The following ARAP2 variants were observed in gnomAD, a reference collection of about 807,000 sequenced individuals.
The protein encoded by ARAP2 is arf-GAP with Rho-GAP domain, ANK repeat and PH domain-containing protein 2.
ARAP2 carries 148 observed loss-of-function variants against 194.5 expected under a neutral mutation model. That is an observed-to-expected ratio of 0.76 (90% CI 0.67 to 0.87). The LOEUF (loss-of-function observed/expected upper bound fraction) is 0.87, where lower values mean the gene tolerates loss of function less well. Among genes scored for constraint, ARAP2 ranks in the 40% least tolerant of loss-of-function variants. ARAP2 has a pLI of 0.00. For missense variants in ARAP2, 2,128 were observed against 1,989.7 expected, an observed-to-expected ratio of 1.07 and a Z score of -1.32; for synonymous variants, 695 against 683.5, an observed-to-expected ratio of 1.02 and a Z score of -0.26.
chr4:36,035,917 G>C (rs1250262079), intron 5 of ARAP2, among the ~76,000 whole-genome samples: 1 of 152,072 alleles, frequency 6.6e-6, no homozygotes, highest in Non-Finnish European at 1.5e-5. Context: ...CTGTTATACA[G>C]TATTAACTTT....
At chr4:36,055,783 T>C (rs1335280011) in intron 2 of ARAP2, among the ~76,000 whole-genome samples, 2 of 152,104 alleles carry the variant, frequency 1.3e-5, no homozygotes, top group Admixed American at 1.3e-4. Context: ...AGGATGGTCT[T>C]GAACTCCTGA....
rs534826125 is a variant in ARAP2 at position 36,173,312 on chromosome 4, A to G, written c.1857+4515T>C. On this transcript the variant is annotated intron_variant, in intron 9 of 32. Coordinates refer to ENST00000303965, the MANE Select transcript of ARAP2 (RefSeq NM_015230.4). The stretch of plus-strand genomic sequence containing the variant: ...AGCAATACCACTTATTTAAGAATTC[A>G]TATATTTAAATATATGTCCATATTT... Among the ~76,000 whole-genome samples, 20 of 152,332 alleles carry G rather than the reference A, an allele frequency of 1.3e-4. 1 individual carries two copies. The highest frequency in any genetic ancestry group is 4.8e-4 in the African/African-American group (20 of 41,572).
chr4:36,234,098 T>C (rs1018847085), intron 1 of ARAP2, among the ~76,000 whole-genome samples: 3 of 152,284 alleles, frequency 2.0e-5, no homozygotes, highest in African/African-American at 7.2e-5. Flanking sequence ...CACTAGAGAA[T>C]TGCGGTTTCT....
chr4:36,058,575 G>A (rs1256728718), intron 1 of ARAP2, among the ~76,000 whole-genome samples: 2 of 152,072 alleles, frequency 1.3e-5, no homozygotes, highest in Non-Finnish European at 2.9e-5. Context: ...AGCAACAGCC[G>A]AGTTTGTTTT....
intron 27 of ARAP2, among the ~76,000 whole-genome samples, chr4:36,100,635 T>C (rs999540363): frequency 6.6e-5 from 10 of 152,054 alleles, no homozygotes; most frequent in Non-Finnish European, 1.0e-4. Context: ...TGAGGGAGAA[T>C]TACTCATATA....
At chr4:36,097,624 C>T (rs1291347020) in intron 27 of ARAP2, among the ~76,000 whole-genome samples, 1 of 152,048 alleles carries the variant, frequency 6.6e-6, no homozygotes, top group Non-Finnish European at 1.5e-5. Context: ...TAGGGAAAAC[C>T]ATCTATTGTT....
At chr4:36,147,172 A>T in intron 19 of ARAP2, 124 bp downstream of exon 19, 1 of 757,472 alleles carries the variant, frequency 1.3e-6, no homozygotes. Flanking sequence ...ATGTATATTT[A>T]TATGATTCAG....
At chr4:36,099,700 G>A (rs1451532656) in intron 27 of ARAP2, among the ~76,000 whole-genome samples, 3 of 152,068 alleles carry the variant, frequency 2.0e-5, no homozygotes, top group East Asian at 1.9e-4. Context: ...ACATTCTGGC[G>A]CTAGACTGCC....
rs1373809231 is a variant in ARAP2 at position 36,026,601 on chromosome 4, G to A, written n.608-7315C>T. Reference sequence around the variant, plus strand: ...CACTGGATATCACGGGACTGGAAGTGTTAAAGCTCTCAGCAGGAGATTAAC... The same window carrying A: ...CACTGGATATCACGGGACTGGAAGTATTAAAGCTCTCAGCAGGAGATTAAC... On this transcript the variant is annotated intron_variant and non_coding_transcript_variant, in intron 5 of 12. Transcript: ENST00000503225. Among the ~76,000 whole-genome samples the A allele has an allele frequency of 2.0e-5, 3 of 152,206 alleles. 1 individual carries two copies.
intron 9 of ARAP2, among the ~76,000 whole-genome samples, chr4:36,173,388 T>C (rs1737088676): frequency 6.6e-6 from 1 of 152,170 alleles, no homozygotes; most frequent in African/African-American, 2.4e-5. Context: ...ACTATACACC[T>C]ATCATTTAAA....
Position 36,176,505 on chromosome 4 carries a change from G to A in ARAP2, c.1857+1322C>T, listed in dbSNP as rs372159183. On this transcript the variant is annotated intron_variant, in intron 9 of 32. Coordinates refer to ENST00000303965, the MANE Select transcript of ARAP2 (RefSeq NM_015230.4). The stretch of plus-strand genomic sequence containing the variant: ...TTTGAACTCTATGCAAGTCTATCAG[G>A]TCTTGCTATCAGGTCTATGCAAGTA... Among the ~76,000 whole-genome samples the A allele has an allele frequency of 3.0e-3, 458 of 152,190 alleles. 2 individuals carry two copies. Among genetic ancestry groups the A allele is most frequent in the Middle Eastern group, 0.014 (4 of 290 alleles).
intron 23 of ARAP2, among the ~76,000 whole-genome samples, chr4:36,120,839 A>G (rs1418797133): frequency 6.6e-6 from 1 of 151,790 alleles, no homozygotes; most frequent in East Asian, 1.9e-4. Flanking sequence ...AGAGTCTGGT[A>G]TTTATTAATG....
chr4:36,133,081 T>A lies in ARAP2; in HGVS notation c.3427+145A>T, dbSNP rs994493977. 5.2e-5 allele frequency: 38 copies of A among 736,774 alleles called. No homozygotes were observed. The East Asian group carries it at 1.1e-3, about 21-fold the overall frequency. 45.6% of individuals were successfully genotyped at this position (736,774 alleles called of 1,614,324 possible). On this transcript the variant is annotated intron_variant, in intron 20 of 32. Coordinates refer to ENST00000303965, the MANE Select transcript of ARAP2 (RefSeq NM_015230.4). ...ATTGGGAGAAGGAATGGTAATTAGC[T>A]GAACAGTAAATCTGCCTTTATTTTT...
At chr4:36,198,664 A>C (rs1437841719) in intron 6 of ARAP2, among the ~76,000 whole-genome samples, 1 of 152,236 alleles carries the variant, frequency 6.6e-6, no homozygotes, top group Non-Finnish European at 1.5e-5. Flanking sequence ...GCACAGATCC[A>C]GATGGGCTGT....
At position 36,041,743 on chromosome 4, in the gene ARAP2, A is replaced by G. The variant is rs180988795; in HGVS notation, n.607+4236T>C. Among the ~76,000 whole-genome samples, 4 of 152,360 alleles carry G rather than the reference A, an allele frequency of 2.6e-5. No homozygotes were observed. The East Asian group carries it at 5.8e-4, about 22-fold the overall frequency. On this transcript the variant is annotated intron_variant and non_coding_transcript_variant, in intron 5 of 12. Transcript: ENST00000503225. ...GCATGTGAATGTTCATTGCATCACT[A>G]TTCAAAATAGCAAAGATATGGAGTC...
At chr4:36,049,657 T>C (rs1350947456) in intron 3 of ARAP2, among the ~76,000 whole-genome samples, 1 of 152,212 alleles carries the variant, frequency 6.6e-6, no homozygotes, top group African/African-American at 2.4e-5. Flanking sequence ...GGTATTCATC[T>C]CTAATTGAAA....
chr4:36,162,969 T>C (rs1042580363), intron 11 of ARAP2, among the ~76,000 whole-genome samples: 4 of 152,174 alleles, frequency 2.6e-5, no homozygotes, highest in Non-Finnish European at 5.9e-5. Flanking sequence ...TGAGAATATA[T>C]GAAAATGTGC....
chr4:36,199,665 T>C (rs1402299632), intron 6 of ARAP2, among the ~76,000 whole-genome samples: 1 of 152,214 alleles, frequency 6.6e-6, no homozygotes, highest in Non-Finnish European at 1.5e-5. Flanking sequence ...TTCTACTCTG[T>C]TTCTATGAGT....
chr4:36,139,565 C>T (rs7696339), intron 19 of ARAP2, among the ~76,000 whole-genome samples: 18,190 of 151,430 alleles, frequency 0.12, 1,927 homozygotes, highest in African/African-American at 0.28. Flanking sequence ...TTCTCTGAAC[C>T]ACTTTGGGTC....
Sources: allele counts gnomAD v4.1 joint callset (sites outside exome capture counted in the v4.1 genomes callset), GRCh38; gene constraint gnomAD v4.1.1; transcripts MANE v1.5; gene names NCBI Gene and HGNC (gene_info 2026-07-23, HGNC 2026-07-21).